EDEM1: variants seen among roughly 807,000 people sequenced by gnomAD.
EDEM1 encodes ER degradation enhancing alpha-mannosidase like protein 1.
In EDEM1, 67 loss-of-function variants were observed where a neutral mutation model predicts 74.4. The observed-to-expected ratio is 0.90, with a 90% CI of 0.74 to 1.10. The LOEUF is 1.10. Ranked by LOEUF, EDEM1 falls within the 50% of genes least tolerant of loss-of-function variation. The pLI is 0.00. For synonymous variants in EDEM1, 382 were observed against 335.9 expected, an observed-to-expected ratio of 1.14 and a Z score of -1.50; for missense variants, 926 against 851.6, an observed-to-expected ratio of 1.09 and a Z score of -1.09.
At position 5,219,118 on chromosome 3, in the gene EDEM1, T is replaced by C. The variant is rs1295875627; in HGVS notation, c.*3200T>C. The stretch of plus-strand genomic sequence containing the variant: ...CCCTTCTCCCCACCAAAGGAAAATA[T>C]CCCTCTTAATGATTTCGTAGTTCAG... On this transcript the variant is annotated 3_prime_UTR_variant, in exon 12 of 12. Transcript: ENST00000256497. 3 of 152,124 alleles carry C rather than the reference T, an allele frequency of 2.0e-5. No homozygotes were observed. Among genetic ancestry groups the C allele is most frequent in the East Asian group, 1.9e-4 (1 of 5,190 alleles). The allele number at this position is 152,124 out of a possible 1,614,324, so 9.4% of individuals were successfully genotyped here.
chr3:5,206,710 C>G (rs1038544253), intron 6 of EDEM1, among the ~76,000 whole-genome samples: 5 of 152,164 alleles, frequency 3.3e-5, no homozygotes, highest in Non-Finnish European at 4.4e-5. Flanking sequence ...CTAAATTGAG[C>G]AGTAATCCCC....
rs1474760483 is a variant in EDEM1 at position 5,217,654 on chromosome 3, TA to T, written c.*1740del. The stretch of plus-strand genomic sequence containing the variant: ...AACAATTGTTTTAAAATAGAAAAAA[TA>T]AAATGCTTCTATTTTACCTTTTTTC... On this transcript the variant is annotated 3_prime_UTR_variant, in exon 12 of 12. Transcript: ENST00000256497. 1.3e-5 allele frequency: 2 copies of T among 152,568 alleles called. No individual in the cohort carries two copies. Among genetic ancestry groups the T allele is most frequent in the Non-Finnish European group, 2.9e-5 (2 of 68,014 alleles). The allele number at this position is 152,568 out of a possible 1,614,324, so 9.5% of individuals were successfully genotyped here.
chr3:5,215,018 C>T (rs771389921), intron 11 of EDEM1, among the ~76,000 whole-genome samples: 3 of 152,128 alleles, frequency 2.0e-5, no homozygotes, highest in Non-Finnish European at 4.4e-5. Context: ...AAAGGGGTAT[C>T]CCAGAAAGGG....
chr3:5,206,476 G>C (rs145093699), intron 6 of EDEM1, among the ~76,000 whole-genome samples: 1 of 152,100 alleles, frequency 6.6e-6, no homozygotes, highest in Admixed American at 6.5e-5. Context: ...AAAGTGCTGG[G>C]ATTACAGGTG....
chr3:5,196,461 G>GACAC (rs34441448), intron 2 of EDEM1, among the ~76,000 whole-genome samples: 2,191 of 148,734 alleles, frequency 0.015, 36 homozygotes, highest in East Asian at 0.043. Context: ...CATCTCTGGA[G>GACAC]ACACACACAC....
In EDEM1 at chr3:5,195,282, G is replaced by A. The variant is rs775399216; in HGVS notation, c.582+1G>A. The A allele has an allele frequency of 6.5e-7, 1 of 1,541,322 alleles. No homozygotes were observed. The highest frequency in any genetic ancestry group is 1.2e-5 in the South Asian group (1 of 81,678). ...TGTTGATGCATTGGATACACTTGCAGTAAGTGTTCACCTTTTTTTAAAAAA... is the reference window on the plus strand; with the variant it reads ...TGTTGATGCATTGGATACACTTGCAATAAGTGTTCACCTTTTTTTAAAAAA... On this transcript the variant is annotated splice_donor_variant, in intron 2 of 11. Transcript: ENST00000256497. LOFTEE classifies it high-confidence loss of function.
In EDEM1 at chr3:5,211,168, C is replaced by G; in HGVS notation, c.1632C>G (p.Asp544Glu). Reference sequence around the variant, plus strand: ...ACGTCATTGACAAGTCCACAGAAGACCGGATGGAGAGCTTCTTTCTCAGTG... The same window carrying G: ...ACGTCATTGACAAGTCCACAGAAGAGCGGATGGAGAGCTTCTTTCTCAGTG... ...LHHVIDKSTEDRMESFFLSET... is the reference protein window; with the variant it reads ...LHHVIDKSTEERMESFFLSET... The change falls in exon 10 of 12, where the codon GAC becomes GAG. Residue 544 changes from aspartate (D) to glutamate (E), a missense_variant. Transcript: ENST00000256497. 1 of 1,614,146 alleles carries G rather than the reference C, an allele frequency of 6.2e-7. No homozygotes were observed. The highest frequency in any genetic ancestry group is 2.2e-5 in the East Asian group (1 of 44,882).
At chr3:5,211,085 A>AGAG in intron 9 of EDEM1, 35 bp from the exon 10 acceptor site, 2 of 1,595,958 alleles carry the variant, frequency 1.3e-6, no homozygotes, top group Non-Finnish European at 1.7e-6. Flanking sequence ...GTGGGAAGGA[A>AGAG]GAGAGGCAGG....
Position 5,187,758 on chromosome 3 carries a change from G to T in EDEM1, c.-48G>T, listed in dbSNP as rs1158786999. ...GCGAGCGCGGGGTGCGGTGGTCGGC[G>T]GGGAGGCCCCCGCGCTTTAAAATAA... is the stretch of plus-strand genomic sequence containing the variant. On this transcript the variant is annotated 5_prime_UTR_variant, in exon 1 of 12. Coordinates refer to ENST00000256497, the MANE Select transcript of EDEM1 (RefSeq NM_014674.3). 4.7e-6 allele frequency: 7 copies of T among 1,477,284 alleles called. No homozygotes were observed. Among genetic ancestry groups the T allele is most frequent in the Non-Finnish European group, 6.3e-6 (7 of 1,114,116 alleles). The allele number at this position is 1,477,284 out of a possible 1,614,324, so 91.5% of individuals were successfully genotyped here.
At position 5,205,204 on chromosome 3, in the gene EDEM1, G is replaced by A. The variant is rs1369294738; in HGVS notation, c.1180G>A (p.Ala394Thr). The A allele has an allele frequency of 6.2e-7, 1 of 1,614,186 alleles. No individual in the cohort carries two copies. Among genetic ancestry groups the A allele is most frequent in the East Asian group, 2.2e-5 (1 of 44,890 alleles). The change falls in exon 6 of 12, where the codon GCT (alanine) becomes ACT (threonine). Residue 394 changes from alanine to threonine, a missense_variant. Transcript: ENST00000256497. ...GEKEDLEMFN[A>T]AYQSIQNYLR... ...AAAAGAAGACCTAGAAATGTTTAATGCTGCATATCAGAGTATTCAGAACTA... is the reference window on the plus strand; with the variant it reads ...AAAAGAAGACCTAGAAATGTTTAATACTGCATATCAGAGTATTCAGAACTA...
intron 6 of EDEM1, among the ~76,000 whole-genome samples, chr3:5,206,861 T>C (rs907515566): frequency 7.9e-5 from 12 of 152,206 alleles, no homozygotes; most frequent in African/African-American, 2.9e-4. Context: ...AATTCTCTTA[T>C]GTGGCAGGGC....
intron 3 of EDEM1, among the ~76,000 whole-genome samples, chr3:5,200,328 G>T (rs941456286): frequency 6.6e-6 from 1 of 152,052 alleles, no homozygotes; most frequent in Non-Finnish European, 1.5e-5. Flanking sequence ...TTCTTTCACC[G>T]TGTCCTAGGA....
intron 11 of EDEM1, among the ~76,000 whole-genome samples, chr3:5,215,343 G>GT: frequency 6.8e-6 from 1 of 146,422 alleles, no homozygotes; most frequent in East Asian, 1.9e-4. Context: ...TTAGAGTTTA[G>GT]TGAGTTGTGA....
At chr3:5,190,481 C>T (rs2054888316) in intron 1 of EDEM1, among the ~76,000 whole-genome samples, 1 of 152,210 alleles carries the variant, frequency 6.6e-6, no homozygotes. Context: ...AATCCCTTCC[C>T]AGCAAAGTGA....
intron 11 of EDEM1, among the ~76,000 whole-genome samples, chr3:5,214,152 T>G (rs1314069839): frequency 6.6e-6 from 1 of 152,144 alleles, no homozygotes; most frequent in Non-Finnish European, 1.5e-5. Context: ...CAGGAAAAAT[T>G]TGGAAATGGA....
At chr3:5,199,887 G>A (rs774782752) in intron 3 of EDEM1, among the ~76,000 whole-genome samples, 192 bp downstream of exon 3, 3 of 151,826 alleles carry the variant, frequency 2.0e-5, no homozygotes, top group African/African-American at 7.3e-5. Context: ...ATCACATTCC[G>A]GACTGAAGGG....
intron 10 of EDEM1, among the ~76,000 whole-genome samples, chr3:5,212,452 G>A (rs975768345): frequency 3.9e-5 from 6 of 152,314 alleles, no homozygotes; most frequent in Admixed American, 2.6e-4. Flanking sequence ...TCAGAAGGAC[G>A]TTAACAGGGC....
intron 5 of EDEM1, among the ~76,000 whole-genome samples, chr3:5,203,670 C>A (rs1056853718): frequency 2.6e-5 from 4 of 151,942 alleles, no homozygotes; most frequent in Non-Finnish European, 4.4e-5. Flanking sequence ...GAATAATGAC[C>A]CCTATGTACT....
chr3:5,210,346 A>G, intron 9 of EDEM1, 98 bp downstream of exon 9: 1 of 1,148,620 alleles, frequency 8.7e-7, no homozygotes. Flanking sequence ...AATTTATAGA[A>G]CCAGGTCATT....
Sources: gnomAD v4.1 joint callset for allele counts (sites outside exome capture counted in the v4.1 genomes callset) on GRCh38, gnomAD v4.1.1 for gene constraint, MANE v1.5 for transcripts, NCBI Gene and HGNC (gene_info 2026-07-23, HGNC 2026-07-21) for gene names.